The following ZBTB38 variants were observed in gnomAD, a reference collection of about 807,000 sequenced individuals.
The protein encoded by ZBTB38 is zinc finger and BTB domain containing 38.
In ZBTB38, 20 loss-of-function variants were observed where a neutral mutation model predicts 76.8. That is an observed-to-expected ratio of 0.26 (90% CI 0.18 to 0.38). ZBTB38 has a LOEUF of 0.38. Ranked by LOEUF, ZBTB38 falls within the 10% of genes least tolerant of loss-of-function variation. ZBTB38 has a pLI of 1.00. For missense variants in ZBTB38, 1,082 were observed against 1,482.3 expected (o/e 0.73, Z 4.43); for synonymous variants, 504 against 544.2 (o/e 0.93, Z 1.03).
chr3:141,399,490 G>GA (rs979771188), intron 4 of ZBTB38, among the ~76,000 whole-genome samples: 10 of 152,130 alleles, frequency 6.6e-5, no homozygotes, highest in African/African-American at 9.7e-5. Context: ...GTAGAGATGA[G>GA]AAAAAATGAT....
At position 141,443,021 on chromosome 3, in the gene ZBTB38, G is replaced by C. The variant is rs61732446; in HGVS notation, c.633G>C (p.Glu211Asp). 1.0e-3 allele frequency: 1,622 copies of C among 1,614,222 alleles called. 21 individuals carry two copies. In the African/African-American group the frequency reaches 0.019, roughly 19 times the overall value. ...TGGAGAGGACGGACGTCTGCCACGA[G>C]GCAGAGCCTGTCCGCACACTTGCCG... ...LCLERTDVCH[E>D]AEPVRTLAEH... is the part of the protein sequence containing the mutation. Residue 211 changes from glutamate (E) to aspartate (D), a missense_variant, in exon 6 of 6, where the codon GAG (glutamate) becomes GAC (aspartate). By Grantham distance (45) the Glu-to-Asp change is conservative (BLOSUM62 2). This residue lies in a region of ZBTB38 where 324 missense variants were observed against 359.1 expected (regional missense o/e 0.90). Transcript: ENST00000321464. This position sits in a 1 kb window ranked among gnomAD's most constrained non-coding sequence, Gnocchi z 5.6.
intron 4 of ZBTB38, chr3:141,387,385 GTTAA>G (rs1947404002): frequency 6.6e-6 from 1 of 151,866 alleles, no homozygotes; most frequent in African/African-American, 2.4e-5. Context: ...ATGTTGTATT[GTTAA>G]TTAATGTGAA....
intron 2 of ZBTB38, among the ~76,000 whole-genome samples, chr3:141,374,273 C>G (rs1023483839): frequency 6.6e-6 from 1 of 152,078 alleles, no homozygotes; most frequent in Admixed American, 6.5e-5. Flanking sequence ...TCTAACTAGC[C>G]AAAGCATGTT....
chr3:141,374,589 A>G (rs1945092883), intron 2 of ZBTB38, among the ~76,000 whole-genome samples: 2 of 152,136 alleles, frequency 1.3e-5, no homozygotes, highest in Non-Finnish European at 2.9e-5. Context: ...TCTCCTTTTT[A>G]AAAAGAGAGA....
chr3:141,372,312 A>G (rs1576733593), intron 2 of ZBTB38, among the ~76,000 whole-genome samples: 1 of 152,182 alleles, frequency 6.6e-6, no homozygotes, highest in East Asian at 1.9e-4. Context: ...GAAAGTGTCT[A>G]TTGATCGGGG....
chr3:141,332,764 T>C (rs772033164), intron 1 of ZBTB38, among the ~76,000 whole-genome samples: 7 of 152,226 alleles, frequency 4.6e-5, no homozygotes, highest in Non-Finnish European at 8.8e-5. Context: ...ATATATCTTC[T>C]GTACTGAGGT....
intron 2 of ZBTB38, among the ~76,000 whole-genome samples, chr3:141,374,698 G>A (rs767549398): frequency 6.6e-6 from 1 of 152,052 alleles, no homozygotes; most frequent in Non-Finnish European, 1.5e-5. Context: ...TTAACATTAT[G>A]TTGTAAACAT....
At chr3:141,387,495 G>C (rs552047787) in intron 4 of ZBTB38, 1 of 152,190 alleles carries the variant, frequency 6.6e-6, no homozygotes, top group South Asian at 2.1e-4. Flanking sequence ...TCATGTGCAA[G>C]CAACTTGGGT....
intron 5 of ZBTB38, among the ~76,000 whole-genome samples, chr3:141,423,860 A>G (rs903856690): frequency 6.6e-6 from 1 of 152,254 alleles, no homozygotes; most frequent in African/African-American, 2.4e-5. Context: ...TATTCTCTAA[A>G]ATAAATTGTA....
Position 141,442,798 on chromosome 3 carries a change from G to C in ZBTB38, c.410G>C (p.Cys137Ser). The change falls in exon 6 of 6, where the codon TGT becomes TCT. Residue 137 changes from cysteine to serine, a missense_variant. Cys to Ser is a moderately radical substitution (Grantham distance 112, BLOSUM62 -1). Coordinates refer to ENST00000321464, the MANE Select transcript of ZBTB38 (RefSeq NM_001376113.1). This position sits in a 1 kb window ranked among gnomAD's most constrained non-coding sequence, Gnocchi z 6.4. ...AATTCCCCGGGTCCCTATGTATTCT[G>C]TATTACTGAAAAGGGAGTGGTTAAA... ...FSNSPGPYVFCITEKGVVKEE... is the reference protein window; with the variant it reads ...FSNSPGPYVFSITEKGVVKEE... 6.2e-7 allele frequency: 1 copy of C among 1,614,056 alleles called. No individual in the cohort carries two copies. Among genetic ancestry groups the C allele is most frequent in the South Asian group, 1.1e-5 (1 of 91,076 alleles).
chr3:141,449,462 A>G lies in ZBTB38; in HGVS notation c.*3486A>G, dbSNP rs2081339740. 1 of 152,218 alleles carries G rather than the reference A, an allele frequency of 6.6e-6. No individual in the cohort carries two copies. The highest frequency in any genetic ancestry group is 2.4e-5 in the African/African-American group (1 of 41,450). 9.4% of individuals were successfully genotyped at this position (152,218 alleles called of 1,614,324 possible). A position where few individuals can be genotyped will look rare whatever the true frequency, so the allele number is the denominator to read the frequency against. ...AAGCTGGTAATTTTCACACAAAGAA[A>G]AAAATACGTTCCGTCGTCACAGACT... On this transcript the variant is annotated 3_prime_UTR_variant, in exon 6 of 6. Coordinates refer to ENST00000321464, the MANE Select transcript of ZBTB38 (RefSeq NM_001376113.1).
At chr3:141,338,697 T>A (rs1390954715) in intron 1 of ZBTB38, among the ~76,000 whole-genome samples, 4 of 152,174 alleles carry the variant, frequency 2.6e-5, no homozygotes, top group Non-Finnish European at 4.4e-5. Context: ...TCAGGTACTA[T>A]GCTTGTTACT....
intron 1 of ZBTB38, among the ~76,000 whole-genome samples, chr3:141,331,299 C>A (rs1942843685): frequency 6.6e-6 from 1 of 152,184 alleles, no homozygotes; most frequent in Admixed American, 6.5e-5. Flanking sequence ...TGGTTATGTT[C>A]CCACCTGGAG....
chr3:141,436,873 C>T (rs2078931974), intron 5 of ZBTB38, among the ~76,000 whole-genome samples: 1 of 152,194 alleles, frequency 6.6e-6, no homozygotes, highest in Admixed American at 6.5e-5. Context: ...TTAAAAATCA[C>T]ATGGGTCAAA....
chr3:141,354,366 A>T (rs995657722), intron 1 of ZBTB38, among the ~76,000 whole-genome samples: 2 of 152,044 alleles, frequency 1.3e-5, no homozygotes, highest in African/African-American at 4.8e-5. Context: ...GCCACACTCC[A>T]TGCATTCCCC....
chr3:141,406,127 G>T (rs1422348079), intron 5 of ZBTB38, among the ~76,000 whole-genome samples: 1 of 152,206 alleles, frequency 6.6e-6, no homozygotes, highest in Admixed American at 6.5e-5. Context: ...AACATTCAGT[G>T]CCAAATGATA....
chr3:141,362,889 C>T (rs1943860413), intron 1 of ZBTB38, among the ~76,000 whole-genome samples: 2 of 152,012 alleles, frequency 1.3e-5, no homozygotes, highest in South Asian at 2.1e-4. Flanking sequence ...TGCAACCCTG[C>T]CCCCCACCCC....
chr3:141,350,281 T>C (rs1943480831), intron 1 of ZBTB38, among the ~76,000 whole-genome samples: 1 of 152,186 alleles, frequency 6.6e-6, no homozygotes, highest in Non-Finnish European at 1.5e-5. Context: ...AGTCTAGGAG[T>C]TGAAAATGAG....
In ZBTB38 at chr3:141,446,164, C is replaced by A; in HGVS notation, c.*188C>A. Reference sequence around the variant, plus strand: ...TTTGGGTTTTAGCATTAACTTTATGCAAAGTGCACAAAAACAAAATAGCTG... The same window carrying A: ...TTTGGGTTTTAGCATTAACTTTATGAAAAGTGCACAAAAACAAAATAGCTG... On this transcript the variant is annotated 3_prime_UTR_variant, in exon 6 of 6. Transcript: ENST00000321464. 2 of 466,176 alleles carry A rather than the reference C, an allele frequency of 4.3e-6. No homozygotes were observed. Among genetic ancestry groups the A allele is most frequent in the Non-Finnish European group, 7.1e-6 (2 of 281,352 alleles). 28.9% of individuals were successfully genotyped at this position (466,176 alleles called of 1,614,324 possible).
Sources: gnomAD v4.1 joint callset for allele counts (sites outside exome capture counted in the v4.1 genomes callset) on GRCh38, gnomAD v4.1.1 for gene constraint, gnomAD v4.1.1 regional missense constraint, Gnocchi (gnomAD v3.1) non-coding constraint, MANE v1.5 for transcripts, NCBI Gene and HGNC (gene_info 2026-07-23, HGNC 2026-07-21) for gene names.